The following MITF variants were observed in gnomAD, a reference collection of about 807,000 sequenced individuals.
The protein encoded by MITF is microphthalmia-associated transcription factor.
Under a neutral mutation model 60.5 loss-of-function variants are expected in MITF, and 17 were observed. That is an observed-to-expected ratio of 0.28 (90% CI 0.19 to 0.42). The LOEUF (loss-of-function observed/expected upper bound fraction) is 0.42. Ranked by LOEUF, MITF falls within the 10% of genes least tolerant of loss-of-function variation. The pLI, the probability that MITF is intolerant of heterozygous loss-of-function variation, is 1.00. For missense variants in MITF, 622 were observed against 683.5 expected (o/e 0.91, Z 1.00); for synonymous variants, 260 against 248.5 (o/e 1.05, Z -0.43).
chr3:69,818,932 A>T (rs1254767024), intron 1 of MITF, among the ~76,000 whole-genome samples: 1 of 152,146 alleles, frequency 6.6e-6, no homozygotes, highest in East Asian at 1.9e-4. Flanking sequence ...TTACTAATAC[A>T]CGTGTATGGA....
chr3:69,744,252 A>C (rs141488896), intron 1 of MITF, among the ~76,000 whole-genome samples: 1 of 152,226 alleles, frequency 6.6e-6, no homozygotes, highest in Non-Finnish European at 1.5e-5. Flanking sequence ...TCCTGTCTTC[A>C]TATTAAAAAA....
chr3:69,766,745 C>T (rs147576372), intron 1 of MITF, among the ~76,000 whole-genome samples: 223 of 152,108 alleles, frequency 1.5e-3, no homozygotes, highest in African/African-American at 5.2e-3. Context: ...TTGTGTTGCT[C>T]CCTCCTTCTG....
At chr3:69,765,184 T>C (rs967711594) in intron 1 of MITF, among the ~76,000 whole-genome samples, 3 of 152,224 alleles carry the variant, frequency 2.0e-5, no homozygotes, top group African/African-American at 7.2e-5. Context: ...AAGGTAGCCA[T>C]ATGCAAACTG....
intron 3 of MITF, 95 bp from the exon 4 acceptor site, chr3:69,939,003 A>C: frequency 6.4e-7 from 1 of 1,558,276 alleles, no homozygotes; most frequent in Non-Finnish European, 8.7e-7. Context: ...AGCTTAGTTC[A>C]TCTTGTTGCT....
chr3:69,904,238 TG>T (rs1433113262), intron 2 of MITF, among the ~76,000 whole-genome samples: 7 of 152,116 alleles, frequency 4.6e-5, no homozygotes, highest in African/African-American at 1.7e-4. Context: ...GATACACTAG[TG>T]AACAAAAGAG....
chr3:69,779,741 T>C (rs1361238162), intron 1 of MITF, among the ~76,000 whole-genome samples: 2 of 152,222 alleles, frequency 1.3e-5, no homozygotes. Flanking sequence ...GATATAATTA[T>C]AGATTAACAC....
At chr3:69,947,220 TG>T (rs1460476728) in intron 5 of MITF, among the ~76,000 whole-genome samples, 2 of 152,226 alleles carry the variant, frequency 1.3e-5, no homozygotes, top group Non-Finnish European at 2.9e-5. Flanking sequence ...CTTATTGCTT[TG>T]AATTTTCAAG....
intron 1 of MITF, among the ~76,000 whole-genome samples, chr3:69,813,319 T>C (rs981459634): frequency 2.6e-5 from 4 of 152,212 alleles, no homozygotes; most frequent in African/African-American, 9.6e-5. Flanking sequence ...TTTGCTTCCA[T>C]TATGCATTTA....
intron 2 of MITF, among the ~76,000 whole-genome samples, chr3:69,882,299 G>A (rs1244049934): frequency 2.0e-5 from 3 of 152,014 alleles, no homozygotes; most frequent in East Asian, 1.9e-4. Flanking sequence ...TGTAAGATTA[G>A]CCTCTGGTTT....
At chr3:69,912,965 T>A (rs75208897) in intron 2 of MITF, among the ~76,000 whole-genome samples, 2,347 of 152,240 alleles carry the variant, frequency 0.015, 29 homozygotes, top group Middle Eastern at 0.051. Flanking sequence ...GGGAATGATT[T>A]AAAATTTTTA....
At chr3:69,754,135 GT>G (rs937429898) in intron 1 of MITF, among the ~76,000 whole-genome samples, 5 of 152,056 alleles carry the variant, frequency 3.3e-5, no homozygotes, top group African/African-American at 4.8e-5. Flanking sequence ...CTCATGAATG[GT>G]TTAGCAACAC....
Position 69,968,191 on chromosome 3 carries a change from T to G in MITF, c.*2943T>G, listed in dbSNP as rs1423379256. ...CTCTTGCGGATGCTTGGTACTGTAA[T>G]GTTAATAATAGTCACCTGCTGTTGG... On this transcript the variant is annotated 3_prime_UTR_variant, in exon 10 of 10. Coordinates refer to ENST00000352241, the MANE Select transcript of MITF (RefSeq NM_001354604.2). The G allele has an allele frequency of 4.3e-6, 1 of 232,922 alleles. No individual in the cohort carries two copies. Among genetic ancestry groups the G allele is most frequent in the East Asian group, 6.1e-5 (1 of 16,472 alleles). The allele number at this position is 232,922 out of a possible 1,614,324, so 14.4% of individuals were successfully genotyped here.
chr3:69,889,430 A>G (rs936796911), intron 2 of MITF, among the ~76,000 whole-genome samples: 1 of 151,688 alleles, frequency 6.6e-6, no homozygotes, highest in Non-Finnish European at 1.5e-5. Flanking sequence ...GTGCTGTCTG[A>G]TAGAATATGA....
intron 7 of MITF, among the ~76,000 whole-genome samples, chr3:69,953,413 C>G (rs2066306880): frequency 6.6e-6 from 1 of 151,944 alleles, no homozygotes; most frequent in Non-Finnish European, 1.5e-5. Flanking sequence ...ATGAAGCAAT[C>G]TAAAAGTCTC....
chr3:69,881,838 A>G (rs1197493655), intron 2 of MITF, among the ~76,000 whole-genome samples: 1 of 152,116 alleles, frequency 6.6e-6, no homozygotes, highest in East Asian at 1.9e-4. Flanking sequence ...ATATTTTCTC[A>G]TAGTATGGCC....
chr3:69,893,312 C>T (rs1360226968), intron 2 of MITF, among the ~76,000 whole-genome samples: 3 of 151,944 alleles, frequency 2.0e-5, no homozygotes, highest in Non-Finnish European at 4.4e-5. Context: ...ATTCAAAGAA[C>T]TCCTGCCCAG....
intron 1 of MITF, among the ~76,000 whole-genome samples, chr3:69,854,219 A>G (rs1296596905): frequency 6.6e-6 from 1 of 152,096 alleles, no homozygotes; most frequent in Admixed American, 6.5e-5. Context: ...GATAGACTGA[A>G]GTAAATCATG....
chr3:69,767,356 G>A (rs2062313088), intron 1 of MITF, among the ~76,000 whole-genome samples: 1 of 152,080 alleles, frequency 6.6e-6, no homozygotes, highest in Non-Finnish European at 1.5e-5. Flanking sequence ...GACTGAGGTG[G>A]GTGGGTCACT....
At chr3:69,914,417 C>T (rs916450588) in intron 2 of MITF, among the ~76,000 whole-genome samples, 6 of 152,278 alleles carry the variant, frequency 3.9e-5, no homozygotes, top group Admixed American at 1.3e-4. Context: ...CCACCACACC[C>T]AGCCTGAACA....
Sources: allele counts gnomAD v4.1 joint callset (sites outside exome capture counted in the v4.1 genomes callset), GRCh38; gene constraint gnomAD v4.1.1; transcripts MANE v1.5; gene names NCBI Gene and HGNC (gene_info 2026-07-23, HGNC 2026-07-21).